The following ZNF550 variants were observed in gnomAD, a reference collection of about 807,000 sequenced individuals.
ZNF550 encodes zinc finger protein 550.
ZNF550 carries 42 observed loss-of-function variants against 40.2 expected under a neutral mutation model. The ratio of observed to expected loss-of-function variants is 1.05; its 90% confidence interval spans 0.82 to 1.35. The LOEUF (loss-of-function observed/expected upper bound fraction) is 1.35, where lower values mean the gene tolerates loss of function less well. ZNF550 is among the 40% of genes most tolerant of loss of function. The probability of loss-of-function intolerance (pLI) is 0.00; values close to 1 mark genes in which losing one functional copy is unlikely to be tolerated. For missense variants in ZNF550, 549 were observed against 525.2 expected (o/e 1.05, Z -0.44); for synonymous variants, 223 against 198.6 (o/e 1.12, Z -1.03).
intron 4 of ZNF550, chr19:57,544,216 G>C (rs910816383): frequency 3.0e-6 from 3 of 985,412 alleles, no homozygotes; most frequent in Non-Finnish European, 3.6e-6. Flanking sequence ...CTAAATGACA[G>C]GTGTCTCATG....
intron 4 of ZNF550, chr19:57,544,366 C>T (rs530183682): frequency 1.5e-5 from 15 of 985,440 alleles, no homozygotes; most frequent in South Asian, 4.7e-5. Context: ...TGCTTTGGGA[C>T]AAACTGGGGC....
exon 4 of ZNF550, chr19:57,546,768 G>T: frequency 7.4e-7 from 1 of 1,351,182 alleles, no homozygotes; most frequent in Middle Eastern, 2.8e-4. Context: ...GTGACTGAAG[G>T]GATCCTTACA....
rs2090100597 is a variant in ZNF550, at chr19:57,554,328, C to T, written c.155-1606G>A. ...GGATTGAACATGGGGGCCTGCTGCC[C>T]CAGTCAAGGCTGCAGCACCCAGCAT... On this transcript the variant is annotated intron_variant, in intron 2 of 4. Coordinates refer to ENST00000457177, the Ensembl canonical transcript of ZNF550. The surrounding 1 kb of genome is among the most constrained non-coding windows in gnomAD (Gnocchi z 4.5). The T allele has an allele frequency of 6.6e-6, 1 of 152,156 alleles. No individual in the cohort carries two copies. The highest frequency in any genetic ancestry group is 2.4e-5 in the African/African-American group (1 of 41,430). 9.4% of individuals were successfully genotyped at this position (152,156 alleles called of 1,614,324 possible). A position where few individuals can be genotyped will look rare whatever the true frequency, so the allele number is the denominator to read the frequency against.
At chr19:57,543,253 T>C (rs1389574932) in intron 4 of ZNF550, 2 of 916,018 alleles carry the variant, frequency 2.2e-6, no homozygotes, top group Non-Finnish European at 2.6e-6. Flanking sequence ...TCTGAAATTA[T>C]AAAATTTACT....
At chr19:57,547,865 T>C in exon 4 of ZNF550, 2 of 1,614,050 alleles carry the variant, frequency 1.2e-6, no homozygotes, top group Non-Finnish European at 1.7e-6. Context: ...TCCTCATCCC[T>C]AGCTCTCCCC....
intron 1 of ZNF550, 24 bp downstream of exon 1, chr19:57,559,631 CG>C: frequency 1.4e-6 from 2 of 1,467,076 alleles, no homozygotes; most frequent in Non-Finnish European, 9.1e-7. Flanking sequence ...CGGGTGGCCG[CG>C]GGGAGCCGAG....
At chr19:57,556,814 A>C (rs2090125686) in intron 1 of ZNF550, 1 of 174,768 alleles carries the variant, frequency 5.7e-6, no homozygotes, top group Non-Finnish European at 1.2e-5. Flanking sequence ...TTCTGCCTTG[A>C]GATGCTGTTA....
chr19:57,544,282 C>G (rs6510090), intron 4 of ZNF550: 741,428 of 985,232 alleles, frequency 0.75, 279,784 homozygotes, highest in South Asian at 0.9. Flanking sequence ...CCAAACACTT[C>G]AGTGAAGACT....
Position 57,543,448 on chromosome 19 carries a change from C to T in ZNF550, c.*519-205G>A, listed in dbSNP as rs1284956840. ...AGATTTCTAATTCGTCTTTGCATGACCGACTTGCCGAGTTAATTTACCGTC... is the reference window on the plus strand; with the variant it reads ...AGATTTCTAATTCGTCTTTGCATGATCGACTTGCCGAGTTAATTTACCGTC... On this transcript the variant is annotated intron_variant, in intron 4 of 4. Transcript: ENST00000457177. 1.3e-5 allele frequency: 4 copies of T among 304,984 alleles called. No homozygotes were observed. The Admixed American group carries it at 2.6e-4, about 20-fold the overall frequency. The allele number at this position is 304,984 out of a possible 1,614,324, so 18.9% of individuals were successfully genotyped here.
chr19:57,552,790 T>G, intron 2 of ZNF550, 68 bp from the exon 3 acceptor site: 2 of 1,201,670 alleles, frequency 1.7e-6, no homozygotes, highest in East Asian at 2.5e-5. Flanking sequence ...CCATCTTGCC[T>G]AGGACTTCAT....
chr19:57,547,215 A>G, exon 4 of ZNF550: 1 of 1,614,078 alleles, frequency 6.2e-7, no homozygotes, highest in Non-Finnish European at 8.5e-7. Flanking sequence ...CCATGCAATC[A>G]TAGGGCTTCT....
chr19:57,559,610 G>A (rs1266492227), intron 1 of ZNF550, 46 bp downstream of exon 1: 2 of 1,453,824 alleles, frequency 1.4e-6, no homozygotes, highest in South Asian at 2.6e-5. Context: ...TCGGGCCCGG[G>A]ACACTGAGGC....
At chr19:57,560,620 T>C (rs925795551), upstream of ZNF550, among the ~76,000 whole-genome samples, 4 of 152,180 alleles carry the variant, frequency 2.6e-5, no homozygotes, top group African/African-American at 9.7e-5. Flanking sequence ...TTTTATGGGC[T>C]CTTCTAATTA....
chr19:57,551,924 G>A (rs926481535), intron 3 of ZNF550, among the ~76,000 whole-genome samples: 1 of 152,238 alleles, frequency 6.6e-6, no homozygotes, highest in African/African-American at 2.4e-5. Flanking sequence ...CTGGAGGATG[G>A]ATGAGTGGAC....
exon 4 of ZNF550, chr19:57,547,238 T>C: frequency 1.2e-6 from 2 of 1,614,140 alleles, no homozygotes; most frequent in Non-Finnish European, 1.7e-6. Flanking sequence ...CCAGTGTGGA[T>C]GATGTAATGT....
At chr19:57,546,192 G>A (rs2090007495) in intron 4 of ZNF550, among the ~76,000 whole-genome samples, 2 of 151,954 alleles carry the variant, frequency 1.3e-5, no homozygotes, top group East Asian at 3.9e-4. Context: ...CTAAATTCAA[G>A]AATCTCATGA....
upstream of ZNF550, among the ~76,000 whole-genome samples, chr19:57,561,058 G>A (rs115423129): frequency 0.01 from 1,556 of 152,326 alleles, 23 homozygotes; most frequent in African/African-American, 0.035. The surrounding 1 kb of genome is among the most constrained non-coding windows in gnomAD (Gnocchi z 4.9). Context: ...TTGCCCAGAA[G>A]AGTCATGGAC....
At chr19:57,547,739 G>A (rs1263170462) in exon 4 of ZNF550, 1 of 1,614,142 alleles carries the variant, frequency 6.2e-7, no homozygotes, top group Non-Finnish European at 8.5e-7. Flanking sequence ...GCCCTGGAGT[G>A]CAGACCATCA....
At chr19:57,543,496 C>G in intron 4 of ZNF550, 2 of 510,970 alleles carry the variant, frequency 3.9e-6, no homozygotes. Flanking sequence ...GTGACATTTA[C>G]TGATTGAAGT....
Sources: allele counts gnomAD v4.1 joint callset (sites outside exome capture counted in the v4.1 genomes callset), GRCh38; gene constraint gnomAD v4.1.1; non-coding constraint Gnocchi (gnomAD v3.1); transcripts MANE v1.5; gene names NCBI Gene and HGNC (gene_info 2026-07-23, HGNC 2026-07-21).